Variants in ATP6V1F observed in about 807,000 individuals in gnomAD.
ATP6V1F encodes the protein V-type proton ATPase subunit F.
ATP6V1F carries 4 observed loss-of-function variants against 6.6 expected under a neutral mutation model. That is an observed-to-expected ratio of 0.60 (90% CI 0.30 to 1.38). The LOEUF is 1.38. ATP6V1F is among the 40% of genes most tolerant of loss of function. The pLI, the probability that ATP6V1F is intolerant of heterozygous loss-of-function variation, is 0.08. For synonymous variants in ATP6V1F, 68 were observed against 66.9 expected, an observed-to-expected ratio of 1.02 and a Z score of -0.08; for missense variants, 136 against 165.5, an observed-to-expected ratio of 0.82 and a Z score of 0.98.
chr7:128,864,133 C>T lies in ATP6V1F; in HGVS notation c.158+1071C>T, dbSNP rs1014210855. On this transcript the variant is annotated intron_variant, in intron 1 of 1. Transcript: ENST00000249289. The stretch of plus-strand genomic sequence containing the variant: ...CCGAGGCGGGTGGATCACCTGAGCT[C>T]GGGAGTTTGAGACTAGCCTGACCAA... Among the ~76,000 whole-genome samples the T allele has an allele frequency of 3.9e-5, 6 of 152,200 alleles. No homozygotes were observed. In the South Asian group the frequency reaches 1.2e-3, roughly 32 times the overall value.
rs908459545 is a variant in ATP6V1F at position 128,862,894 on chromosome 7, C to A, written c.-11C>A. The A allele has an allele frequency of 6.9e-6, 11 of 1,586,236 alleles. No homozygotes were observed. Among genetic ancestry groups the A allele is most frequent in the Non-Finnish European group, 8.6e-6 (10 of 1,167,130 alleles). On this transcript the variant is annotated 5_prime_UTR_variant, in exon 1 of 2. Coordinates refer to ENST00000249289, the MANE Select transcript of ATP6V1F (RefSeq NM_004231.4). ...CTGGTGCTCTAGGGTGAGCTCTGCC[C>A]GGCTGCAGGGATGGCGGGGAGGGGT...
chr7:128,863,473 G>A (rs1324658652), intron 1 of ATP6V1F, among the ~76,000 whole-genome samples: 2 of 152,192 alleles, frequency 1.3e-5, no homozygotes, highest in African/African-American at 4.8e-5. Context: ...GGCAGAGCTA[G>A]AATTTGAACC....
intron 1 of ATP6V1F, among the ~76,000 whole-genome samples, chr7:128,864,392 GAGA>G (rs926657641): frequency 2.6e-5 from 4 of 152,108 alleles, no homozygotes; most frequent in African/African-American, 9.7e-5. Context: ...GACCACAGGA[GAGA>G]AGGAGCACAA....
At chr7:128,864,804 A>G (rs748394442) in intron 1 of ATP6V1F, 3 of 293,860 alleles carry the variant, frequency 1.0e-5, no homozygotes, top group Non-Finnish European at 2.0e-5. Context: ...GTGTATATAT[A>G]TAGATAGATA....
intron 1 of ATP6V1F, 142 bp downstream of exon 1, chr7:128,863,204 A>G (rs1322833522): frequency 1.9e-6 from 2 of 1,035,216 alleles, no homozygotes; most frequent in African/African-American, 1.6e-5. Context: ...CCGCGCCCCA[A>G]GTCCCCGTTT....
Position 128,865,815 on chromosome 7 carries a change from GTTAAATTAAAGTCATA to G in ATP6V1F, c.*240_*255del. 1.8e-6 allele frequency: 1 copy of G among 565,884 alleles called. No homozygotes were observed. The highest frequency in any genetic ancestry group is 1.9e-5 in the African/African-American group (1 of 53,454). The allele number at this position is 565,884 out of a possible 1,614,324, so 35.1% of individuals were successfully genotyped here. Reference sequence around the variant, plus strand: ...GCTGTTACACAGTGTCATTGTTGATGTTAAATTAAAGTCATATTCTTGCTTCTCTCCAGATGGGTTG... The same window carrying G: ...GCTGTTACACAGTGTCATTGTTGATGTTCTTGCTTCTCTCCAGATGGGTTG... On this transcript the variant is annotated 3_prime_UTR_variant, in exon 2 of 2. Transcript: ENST00000249289. The surrounding 1 kb of genome is among the most constrained non-coding windows in gnomAD (Gnocchi z 4.4).
Position 128,865,599 on chromosome 7 carries a change from G to A in ATP6V1F, c.*21G>A. ...GCTAGGGGACTCCTCATAGCCCTCA[G>A]CCCTTCCCTCGTTTCCAGGCCTCTC... is the stretch of plus-strand genomic sequence containing the variant. On this transcript the variant is annotated 3_prime_UTR_variant, in exon 2 of 2. Coordinates refer to ENST00000249289, the MANE Select transcript of ATP6V1F (RefSeq NM_004231.4). This position sits in a 1 kb window ranked among gnomAD's most constrained non-coding sequence, Gnocchi z 4.4. The A allele has an allele frequency of 1.3e-6, 2 of 1,595,432 alleles. No individual in the cohort carries two copies. The highest frequency in any genetic ancestry group is 1.7e-6 in the Non-Finnish European group (2 of 1,167,830).
rs1201307115 is a variant in ATP6V1F at position 128,865,350 on chromosome 7, G to A, written c.159-27G>A. On this transcript the variant is annotated intron_variant, in intron 1 of 1. Coordinates refer to ENST00000249289, the MANE Select transcript of ATP6V1F (RefSeq NM_004231.4). This position sits in a 1 kb window ranked among gnomAD's most constrained non-coding sequence, Gnocchi z 4.4. ...AGACGGCAGCCCCCAGAGCTGTCCT[G>A]GACTCCCTTCTCATCTCTCCCCACA... is the stretch of plus-strand genomic sequence containing the variant. 4 of 1,612,964 alleles carry A rather than the reference G, an allele frequency of 2.5e-6. No individual in the cohort carries two copies. The Admixed American group carries it at 6.7e-5, about 27-fold the overall frequency.
intron 1 of ATP6V1F, among the ~76,000 whole-genome samples, chr7:128,864,445 C>T (rs1416997532): frequency 6.6e-6 from 1 of 152,202 alleles, no homozygotes; most frequent in Admixed American, 6.5e-5. Flanking sequence ...ATTCCTTCAT[C>T]AAGGTGTCCT....
rs1330636158 is a variant in ATP6V1F at position 128,865,807 on chromosome 7, T to C, written c.*229T>C. On this transcript the variant is annotated 3_prime_UTR_variant, in exon 2 of 2. Transcript: ENST00000249289. This position sits in a 1 kb window ranked among gnomAD's most constrained non-coding sequence, Gnocchi z 4.4. ...TTCCCTGTGCTGTTACACAGTGTCATTGTTGATGTTAAATTAAAGTCATAT... is the reference window on the plus strand; with the variant it reads ...TTCCCTGTGCTGTTACACAGTGTCACTGTTGATGTTAAATTAAAGTCATAT... 3.5e-6 allele frequency: 2 copies of C among 572,590 alleles called. No homozygotes were observed. Among genetic ancestry groups the C allele is most frequent in the South Asian group, 2.2e-5 (1 of 44,742 alleles). 35.5% of individuals were successfully genotyped at this position (572,590 alleles called of 1,614,324 possible).
chr7:128,865,379 A>G lies in ATP6V1F; in HGVS notation c.161A>G (p.Gln54Arg). 1 of 1,614,014 alleles carries G rather than the reference A, an allele frequency of 6.2e-7. No homozygotes were observed. The highest frequency in any genetic ancestry group is 8.5e-7 in the Non-Finnish European group (1 of 1,179,982). Residue 54 changes from glutamine (Q) to arginine (R), a missense_variant and splice_region_variant, in exon 2 of 2, where the codon CAA becomes CGA. Gln to Arg is a conservative substitution (Grantham distance 43, BLOSUM62 1). Transcript: ENST00000249289. The surrounding 1 kb of genome is among the most constrained non-coding windows in gnomAD (Gnocchi z 4.4). ...TCCCTTCTCATCTCTCCCCACAGGC[A>G]ATTTCTAAACCGGGATGACATTGGC... ...TINEIEDTFR[Q>R]FLNRDDIGII...
chr7:128,864,006 A>G (rs1809327965), intron 1 of ATP6V1F, among the ~76,000 whole-genome samples: 1 of 152,194 alleles, frequency 6.6e-6, no homozygotes, highest in African/African-American at 2.4e-5. Context: ...TAACCCAGTG[A>G]CTGGCAGGGG....
rs561715837 is a variant in ATP6V1F, at chr7:128,865,362, C to T, written c.159-15C>T. ...CCAGAGCTGTCCTGGACTCCCTTCT[C>T]ATCTCTCCCCACAGGCAATTTCTAA... On this transcript the variant is annotated splice_polypyrimidine_tract_variant and intron_variant, in intron 1 of 1. Transcript: ENST00000249289. The surrounding 1 kb of genome is among the most constrained non-coding windows in gnomAD (Gnocchi z 4.4). 2 of 1,613,824 alleles carry T rather than the reference C, an allele frequency of 1.2e-6. No individual in the cohort carries two copies. Among genetic ancestry groups the T allele is most frequent in the Non-Finnish European group, 1.7e-6 (2 of 1,179,876 alleles).
rs2128941616 is a variant in ATP6V1F at position 128,863,168 on chromosome 7, C to T, written c.158+106C>T. ...GGGTGAGGGGACGATCCTGAAAGTC[C>T]TTCCGCCCTTCCGGAGCGGAGGCCT... On this transcript the variant is annotated intron_variant, in intron 1 of 1. Coordinates refer to ENST00000249289, the MANE Select transcript of ATP6V1F (RefSeq NM_004231.4). The T allele has an allele frequency of 2.1e-5, 30 of 1,405,000 alleles. No individual in the cohort carries two copies. In the South Asian group the frequency reaches 3.8e-4, roughly 18 times the overall value. 87.0% of individuals were successfully genotyped at this position (1,405,000 alleles called of 1,614,324 possible).
At position 128,862,999 on chromosome 7, in the gene ATP6V1F, G is replaced by A; in HGVS notation, c.95G>A (p.Arg32His). The change falls in exon 1 of 2, where the codon CGC becomes CAC. Residue 32 changes from arginine to histidine, a missense_variant. Coordinates refer to ENST00000249289, the MANE Select transcript of ATP6V1F (RefSeq NM_004231.4). ...GGCATAGGGGAGCTTAACAAGAACC[G>A]CCATCCCAATTTCCTGGTGGTGGAG... is the stretch of plus-strand genomic sequence containing the variant. ...LGGIGELNKNRHPNFLVVEKD... is the reference protein window; with the variant it reads ...LGGIGELNKNHHPNFLVVEKD... 2 of 1,613,554 alleles carry A rather than the reference G, an allele frequency of 1.2e-6. No homozygotes were observed. The highest frequency in any genetic ancestry group is 1.7e-6 in the Non-Finnish European group (2 of 1,179,768).
In ATP6V1F at chr7:128,865,502, A is replaced by G; in HGVS notation, c.284A>G (p.Glu95Gly). 1.2e-6 allele frequency: 2 copies of G among 1,614,140 alleles called. No individual in the cohort carries two copies. The highest frequency in any genetic ancestry group is 1.7e-6 in the Non-Finnish European group (2 of 1,180,042). Residue 95 changes from glutamate to glycine, a missense_variant, in exon 2 of 2, where the codon GAG becomes GGG. Transcript: ENST00000249289. The surrounding 1 kb of genome is among the most constrained non-coding windows in gnomAD (Gnocchi z 4.4). ...GCTGTCCTGGAGATCCCCTCCAAGG[A>G]GCACCCATATGACGCCGCCAAGGAC... ...IPAVLEIPSK[E>G]HPYDAAKDSI...
In ATP6V1F at chr7:128,865,472, T is replaced by TC. The variant is rs906219614; in HGVS notation, c.258dup (p.Ala87ArgfsTer13). ...GCCCTGGACGCCCACCAGCAGTCCA[T>TC]CCCCGCTGTCCTGGAGATCCCCTCC... On this transcript the variant is annotated frameshift_variant, in exon 2 of 2. Coordinates refer to ENST00000249289, the MANE Select transcript of ATP6V1F (RefSeq NM_004231.4). LOFTEE classifies it high-confidence loss of function. This position sits in a 1 kb window ranked among gnomAD's most constrained non-coding sequence, Gnocchi z 4.4. The TC allele has an allele frequency of 6.2e-7, 1 of 1,613,996 alleles. No individual in the cohort carries two copies. The highest frequency in any genetic ancestry group is 1.3e-5 in the African/African-American group (1 of 74,908).
chr7:128,864,912 A>T, intron 1 of ATP6V1F: 2 of 564,742 alleles, frequency 3.5e-6, no homozygotes, highest in Non-Finnish European at 6.4e-6. Flanking sequence ...TATGTGGCCC[A>T]TTCTGGTCTC....
intron 1 of ATP6V1F, chr7:128,864,858 T>G (rs1809352992): frequency 2.3e-6 from 1 of 432,118 alleles, no homozygotes; most frequent in Non-Finnish European, 4.3e-6. Flanking sequence ...TGTGTATATA[T>G]AGATAGAGAG....
Sources: gnomAD v4.1 joint callset for allele counts (sites outside exome capture counted in the v4.1 genomes callset) on GRCh38, gnomAD v4.1.1 for gene constraint, Gnocchi (gnomAD v3.1) non-coding constraint, MANE v1.5 for transcripts, NCBI Gene and HGNC (gene_info 2026-07-23, HGNC 2026-07-21) for gene names.